ARHGEF18: variants seen among roughly 807,000 people sequenced by gnomAD.
ARHGEF18 encodes the protein Rho/Rac guanine nucleotide exchange factor 18.
Under a neutral mutation model 155.7 loss-of-function variants are expected in ARHGEF18, and 93 were observed. That is an observed-to-expected ratio of 0.60 (90% CI 0.50 to 0.71). The LOEUF (loss-of-function observed/expected upper bound fraction) is 0.71. Among genes scored for constraint, ARHGEF18 ranks in the 30% least tolerant of loss-of-function variants. The pLI is 0.00. For missense variants in ARHGEF18, 1,593 were observed against 1,816.1 expected (o/e 0.88, Z 2.23); for synonymous variants, 742 against 753.1 (o/e 0.99, Z 0.24).
In ARHGEF18 at chr19:7,447,045, T is replaced by G; in HGVS notation, c.1614T>G (p.Phe538Leu). 1 of 1,612,706 alleles carries G rather than the reference T, an allele frequency of 6.2e-7. No individual in the cohort carries two copies. The highest frequency in any genetic ancestry group is 8.5e-7 in the Non-Finnish European group (1 of 1,179,638). Residue 538 changes from phenylalanine to leucine, a missense_variant and splice_region_variant, in exon 15 of 29, where the codon TTT (phenylalanine) becomes TTG (leucine). By Grantham distance (22) the Phe-to-Leu change is conservative. Transcript: ENST00000668164. ...ATTTCCATCCTTTTGTTTATCAGTT[T>G]TCAGGTGAAAATGGGGAGAGAATGA... ...QKIGDLLVQQ[F>L]SGENGERMKE... is the part of the protein sequence containing the mutation.
At chr19:7,396,557 A>G (rs1971720307) in intron 10 of ARHGEF18, among the ~76,000 whole-genome samples, 1 of 152,092 alleles carries the variant, frequency 6.6e-6, no homozygotes, top group South Asian at 2.1e-4. Context: ...CTCTACTAAA[A>G]TACAAAAATT....
At chr19:7,369,833 C>G (rs112712899) in intron 2 of ARHGEF18, among the ~76,000 whole-genome samples, 4,349 of 151,988 alleles carry the variant, frequency 0.029, 103 homozygotes, top group South Asian at 0.078. Flanking sequence ...AAAGTTAAAC[C>G]TAAAATTGCC....
the ARHGEF18 span, among the ~76,000 whole-genome samples, chr19:7,478,050 C>T: frequency 0.017 from 2,522 of 152,312 alleles, 76 homozygotes; most frequent in African/African-American, 0.057. Context: ...GCAACAGTAA[C>T]AATGGCCATG....
intron 10 of ARHGEF18, among the ~76,000 whole-genome samples, chr19:7,391,594 C>T (rs1971404904): frequency 6.6e-6 from 1 of 152,126 alleles, no homozygotes; most frequent in African/African-American, 2.4e-5. Context: ...GTTCCTGGAA[C>T]TCCCTCTCCC....
downstream of ARHGEF18, chr19:7,476,964 C>T (rs1010971301): frequency 2.2e-5 from 9 of 412,740 alleles, no homozygotes; most frequent in Middle Eastern, 6.2e-4. Context: ...GGATACAAGA[C>T]GCCAGCTGGC....
chr19:7,429,715 A>G (rs1026536886), intron 10 of ARHGEF18, among the ~76,000 whole-genome samples: 23 of 152,186 alleles, frequency 1.5e-4, no homozygotes, highest in African/African-American at 5.3e-4. Context: ...GCTGGGGCTC[A>G]TGTCCCTGGC....
At chr19:7,386,452 G>T (rs1971080379) in intron 10 of ARHGEF18, among the ~76,000 whole-genome samples, 1 of 149,566 alleles carries the variant, frequency 6.7e-6, no homozygotes, top group Admixed American at 6.8e-5. Flanking sequence ...TCCTCTAGTG[G>T]CAGGGTAGGA....
intron 10 of ARHGEF18, among the ~76,000 whole-genome samples, chr19:7,427,859 T>C (rs1026293208): frequency 4.6e-5 from 7 of 151,452 alleles, no homozygotes; most frequent in Non-Finnish European, 1.0e-4. Flanking sequence ...AGCACAAGAA[T>C]TGGTCGAATC....
At position 7,382,913 on chromosome 19, in the gene ARHGEF18, C is replaced by T. The variant is rs1970813780; in HGVS notation, c.825+19C>T. ...GGAGAAGGTAAGGGGAGCTAAGCCA[C>T]GGGGGCCCTCCTCTGCCTTCCCCAG... On this transcript the variant is annotated intron_variant, in intron 9 of 28. Coordinates refer to ENST00000668164, the MANE Select transcript of ARHGEF18 (RefSeq NM_001367823.1). 5.7e-6 allele frequency: 7 copies of T among 1,232,434 alleles called. No individual in the cohort carries two copies. The highest frequency in any genetic ancestry group is 1.6e-5 in the African/African-American group (1 of 64,432). The allele number at this position is 1,232,434 out of a possible 1,614,324, so 76.3% of individuals were successfully genotyped here.
At chr19:7,449,877 T>G (rs1975248542) in intron 15 of ARHGEF18, among the ~76,000 whole-genome samples, 1 of 152,072 alleles carries the variant, frequency 6.6e-6, no homozygotes, top group South Asian at 2.1e-4. Context: ...GGGGTCTTGC[T>G]GTGTTGCCCA....
intron 16 of ARHGEF18, 105 bp downstream of exon 16, chr19:7,451,371 G>C (rs911872314): frequency 4.7e-6 from 4 of 845,462 alleles, no homozygotes; most frequent in Non-Finnish European, 5.3e-6. Context: ...AATTCCCTTT[G>C]AAATCCAGTT....
chr19:7,358,919 G>C (rs1481930402), intron 1 of ARHGEF18, among the ~76,000 whole-genome samples: 1 of 152,216 alleles, frequency 6.6e-6, no homozygotes, highest in African/African-American at 2.4e-5. Flanking sequence ...AAGTGGATCA[G>C]ATATAGTCAC....
chr19:7,423,562 G>A lies in ARHGEF18; in HGVS notation c.968-16782G>A, dbSNP rs188568363. On this transcript the variant is annotated intron_variant, in intron 10 of 28. Transcript: ENST00000668164. ...TACAAGTAGAAAAAATTAGCCGGGC[G>A]TGGTAATGCATGGCCGTAATCCCAG... 4.5e-4 allele frequency among the ~76,000 whole-genome samples: 69 copies of A among 152,078 alleles called. 1 individual carries two copies. The East Asian group carries it at 6.6e-3, about 14-fold the overall frequency.
chr19:7,366,952 G>A (rs1672071369), intron 2 of ARHGEF18, among the ~76,000 whole-genome samples: 1 of 151,468 alleles, frequency 6.6e-6, no homozygotes, highest in African/African-American at 2.4e-5. Context: ...TTTAAAGATG[G>A]GATTTCGCTA....
At chr19:7,380,436 A>T (rs189712838) in intron 7 of ARHGEF18, among the ~76,000 whole-genome samples, 29 of 150,308 alleles carry the variant, frequency 1.9e-4, no homozygotes, top group African/African-American at 6.6e-4. Context: ...CCGAGATCGC[A>T]CCACCACACT....
At position 7,440,412 on chromosome 19, in the gene ARHGEF18, G is replaced by A; in HGVS notation, c.1036G>A (p.Gly346Ser). The change falls in exon 11 of 29, where the codon GGT (glycine) becomes AGT (serine). Residue 346 changes from glycine to serine, a missense_variant. Gly to Ser is a moderately conservative substitution (Grantham distance 56). Transcript: ENST00000668164. The surrounding 1 kb of genome is among the most constrained non-coding windows in gnomAD (Gnocchi z 5.4). ...DGSPALSRNV[G>S]MTVSQKGGPQ... is the part of the protein sequence containing the mutation. ...CAGCCCGGCCCTGTCCAGGAATGTC[G>A]GTATGACGGTCTCTCAGAAAGGGGG... is the stretch of plus-strand genomic sequence containing the variant. 2 of 1,605,884 alleles carry A rather than the reference G, an allele frequency of 1.2e-6. No individual in the cohort carries two copies. The highest frequency in any genetic ancestry group is 1.7e-6 in the Non-Finnish European group (2 of 1,179,956).
At chr19:7,373,276 A>C (rs1970281536) in intron 3 of ARHGEF18, among the ~76,000 whole-genome samples, 1 of 152,222 alleles carries the variant, frequency 6.6e-6, no homozygotes, top group Non-Finnish European at 1.5e-5. Context: ...CAATTCAAGC[A>C]CATTCCATTT....
intron 3 of ARHGEF18, among the ~76,000 whole-genome samples, chr19:7,374,459 C>G (rs563439374): frequency 6.6e-6 from 1 of 151,690 alleles, no homozygotes; most frequent in African/African-American, 2.4e-5. Flanking sequence ...GGTGGATCAC[C>G]TGAGGTCAGG....
chr19:7,440,518 G>C lies in ARHGEF18; in HGVS notation c.1106+36G>C. 1 of 1,566,210 alleles carries C rather than the reference G, an allele frequency of 6.4e-7. No individual in the cohort carries two copies. The highest frequency in any genetic ancestry group is 8.6e-7 in the Non-Finnish European group (1 of 1,161,228). On this transcript the variant is annotated intron_variant, in intron 11 of 28. Transcript: ENST00000668164. The surrounding 1 kb of genome is among the most constrained non-coding windows in gnomAD (Gnocchi z 5.4). ...GTCCCCTCTGTGCCCTCGGGTGGGTGGTGGCATTCCCCGGGGAGCTGTTGA... is the reference window on the plus strand; with the variant it reads ...GTCCCCTCTGTGCCCTCGGGTGGGTCGTGGCATTCCCCGGGGAGCTGTTGA...
Sources: gnomAD v4.1 joint callset for allele counts (sites outside exome capture counted in the v4.1 genomes callset) on GRCh38, gnomAD v4.1.1 for gene constraint, Gnocchi (gnomAD v3.1) non-coding constraint, MANE v1.5 for transcripts, NCBI Gene and HGNC (gene_info 2026-07-23, HGNC 2026-07-21) for gene names.